Variants in MGAM2 observed in about 807,000 individuals in gnomAD.
The protein encoded by MGAM2 is probable maltase-glucoamylase 2.
Under a neutral mutation model 96.1 loss-of-function variants are expected in MGAM2, and 98 were observed. That is an observed-to-expected ratio of 1.02 (90% CI 0.87 to 1.21). MGAM2 has a LOEUF of 1.21. Ranked by LOEUF, MGAM2 falls within the 50% of genes most tolerant of loss-of-function variation. The pLI, the probability that MGAM2 is intolerant of heterozygous loss-of-function variation, is 0.00. For synonymous variants in MGAM2, 749 were observed against 414.8 expected (o/e 1.81, Z -9.79); for missense variants, 2,055 against 1,182.4 (o/e 1.74, Z -10.82).
chr7:142,186,634 A>G (rs761221065), intron 35 of MGAM2, among the ~76,000 whole-genome samples: 1 of 152,226 alleles, frequency 6.6e-6, no homozygotes, highest in Non-Finnish European at 1.5e-5. Flanking sequence ...TCCCTGGGAT[A>G]TATGTCCAAG....
chr7:142,134,529 T>C (rs1246822549), intron 7 of MGAM2, among the ~76,000 whole-genome samples: 3 of 152,144 alleles, frequency 2.0e-5, no homozygotes, highest in Non-Finnish European at 4.4e-5. Context: ...GGACTAAAAA[T>C]GTCTCTTTTG....
chr7:142,209,542 A>G (rs1039867373), intron 46 of MGAM2, among the ~76,000 whole-genome samples: 12 of 152,202 alleles, frequency 7.9e-5, no homozygotes, highest in Admixed American at 2.0e-4. Flanking sequence ...CTGCTTCTCT[A>G]TTTTTACCTA....
intron 14 of MGAM2, among the ~76,000 whole-genome samples, chr7:142,146,578 C>T (rs1264736942): frequency 6.6e-6 from 1 of 152,094 alleles, no homozygotes; most frequent in African/African-American, 2.4e-5. Flanking sequence ...GATACGGCCC[C>T]AGTGAAGAGT....
At chr7:142,141,661 G>A (rs941865580) in intron 12 of MGAM2, among the ~76,000 whole-genome samples, 2 of 151,872 alleles carry the variant, frequency 1.3e-5, no homozygotes, top group African/African-American at 4.8e-5. Context: ...CACCATGCCT[G>A]ACTAATTTTT....
At chr7:142,193,980 T>A (rs1245896031) in intron 37 of MGAM2, among the ~76,000 whole-genome samples, 1 of 152,152 alleles carries the variant, frequency 6.6e-6, no homozygotes, top group South Asian at 2.1e-4. Context: ...ACTTAAAATG[T>A]TGAACTATTT....
chr7:142,148,237 C>G lies in MGAM2; in HGVS notation c.1634+664C>G, dbSNP rs982861107. ...ATCACTACCACTACTATCACCATCA[C>G]CACCACCACAGTTATCACCACCATC... On this transcript the variant is annotated intron_variant, in intron 15 of 47. Coordinates refer to ENST00000477922, the MANE Select transcript of MGAM2 (RefSeq NM_001293626.2). The surrounding 1 kb of genome is among the most constrained non-coding windows in gnomAD (Gnocchi z 4.2). Among the ~76,000 whole-genome samples the G allele has an allele frequency of 5.9e-5, 9 of 151,784 alleles. No homozygotes were observed. The highest frequency in any genetic ancestry group is 1.9e-4 in the African/African-American group (8 of 41,288).
chr7:142,157,280 T>C (rs1412394060), intron 17 of MGAM2, among the ~76,000 whole-genome samples: 1 of 151,950 alleles, frequency 6.6e-6, no homozygotes, highest in Non-Finnish European at 1.5e-5. Flanking sequence ...ATATGTAAAA[T>C]AAATTGGAGC....
At position 142,143,791 on chromosome 7, in the gene MGAM2, T is replaced by C; in HGVS notation, c.1340T>C (p.Phe447Ser). Reference protein sequence around the residue: ...VGEGYPGPTVFPDYTNPVCTE... With the variant: ...VGEGYPGPTVSPDYTNPVCTE... ...TAGGGATATCCGGGACCGACAGTCT[T>C]TCCCGATTATACCAATCCAGTATGC... is the stretch of plus-strand genomic sequence containing the variant. The change falls in exon 13 of 48, where the codon TTT (phenylalanine) becomes TCT (serine). Residue 447 changes from phenylalanine (F) to serine (S), a missense_variant. Physicochemically the swap from Phe to Ser is radical, Grantham distance 155. Transcript: ENST00000477922. The C allele has an allele frequency of 1.5e-6, 1 of 683,426 alleles. No individual in the cohort carries two copies. Among genetic ancestry groups the C allele is most frequent in the South Asian group, 1.6e-5 (1 of 63,934 alleles). The allele number at this position is 683,426 out of a possible 1,614,324, so 42.3% of individuals were successfully genotyped here.
intron 46 of MGAM2, among the ~76,000 whole-genome samples, chr7:142,211,566 T>C (rs866465570): frequency 5.9e-5 from 9 of 151,990 alleles, no homozygotes; most frequent in Non-Finnish European, 2.9e-5. Flanking sequence ...AATCACTGAA[T>C]AGATCAAGCA....
In MGAM2 at chr7:142,111,779, T is replaced by G. The variant is rs944740986; in HGVS notation, c.-29T>G. ...TCCCTATGAATTGCTGAGGGAGAGA[T>G]ACAGCATAGAAAAAAACAAGGTGAT... On this transcript the variant is annotated 5_prime_UTR_variant, in exon 1 of 48. Transcript: ENST00000477922. The G allele has an allele frequency of 6.6e-6, 1 of 152,168 alleles. No homozygotes were observed. Among genetic ancestry groups the G allele is most frequent in the Admixed American group, 6.5e-5 (1 of 15,274 alleles). 9.4% of individuals were successfully genotyped at this position (152,168 alleles called of 1,614,324 possible). A position where few individuals can be genotyped will look rare whatever the true frequency, so the allele number is the denominator to read the frequency against.
chr7:142,204,071 T>C (rs1563293499), intron 45 of MGAM2, among the ~76,000 whole-genome samples: 2 of 152,042 alleles, frequency 1.3e-5, no homozygotes, highest in Admixed American at 6.6e-5. Flanking sequence ...CTCTTTTTTT[T>C]CTCTGTCTCT....
At chr7:142,120,944 T>G (rs2129074386) in intron 3 of MGAM2, among the ~76,000 whole-genome samples, 1 of 152,310 alleles carries the variant, frequency 6.6e-6, no homozygotes, top group South Asian at 2.1e-4. Context: ...ACTTGAACCC[T>G]GATTAGTTGT....
At chr7:142,195,337 T>C (rs1057392173) in intron 37 of MGAM2, among the ~76,000 whole-genome samples, 3 of 145,658 alleles carry the variant, frequency 2.1e-5, no homozygotes, top group African/African-American at 5.0e-5. Flanking sequence ...CCTGGCCTCC[T>C]TTTTACTCTT....
At chr7:142,203,056 T>A (rs530909188) in intron 45 of MGAM2, among the ~76,000 whole-genome samples, 1 of 152,232 alleles carries the variant, frequency 6.6e-6, no homozygotes, top group African/African-American at 2.4e-5. Flanking sequence ...CATTTTTTCA[T>A]GTTTATTGGC....
chr7:142,201,005 A>G (rs1797206965), intron 45 of MGAM2, among the ~76,000 whole-genome samples: 1 of 149,208 alleles, frequency 6.7e-6, no homozygotes, highest in Non-Finnish European at 1.5e-5. Flanking sequence ...TATGATGATC[A>G]TATTCTATTG....
At chr7:142,202,742 A>G (rs1797279055) in intron 45 of MGAM2, among the ~76,000 whole-genome samples, 1 of 152,044 alleles carries the variant, frequency 6.6e-6, no homozygotes, top group Non-Finnish European at 1.5e-5. Context: ...GGTTGATTCC[A>G]TGTCTTTGTA....
chr7:142,115,618 G>A (rs1383625805), intron 1 of MGAM2, among the ~76,000 whole-genome samples: 2 of 152,120 alleles, frequency 1.3e-5, no homozygotes, highest in African/African-American at 4.8e-5. Flanking sequence ...GGCCAAGGTG[G>A]GCAGATCAGC....
chr7:142,151,679 C>G (rs1311656459), intron 15 of MGAM2, among the ~76,000 whole-genome samples: 1 of 151,958 alleles, frequency 6.6e-6, no homozygotes, highest in Admixed American at 6.6e-5. Flanking sequence ...CTTTTTTGCC[C>G]GTGACTCCAT....
chr7:142,203,236 T>C (rs891147558), intron 45 of MGAM2, among the ~76,000 whole-genome samples: 1 of 152,210 alleles, frequency 6.6e-6, no homozygotes, highest in Non-Finnish European at 1.5e-5. Context: ...GGTTGTCTAC[T>C]CTGTTGATAG....
Sources: allele counts gnomAD v4.1 joint callset (sites outside exome capture counted in the v4.1 genomes callset), GRCh38; gene constraint gnomAD v4.1.1; non-coding constraint Gnocchi (gnomAD v3.1); transcripts MANE v1.5; gene names NCBI Gene and HGNC (gene_info 2026-07-23, HGNC 2026-07-21).